BDP1: variants seen among roughly 807,000 people sequenced by gnomAD.
BDP1 encodes BDP1 general transcription factor IIIB subunit.
In BDP1, 169 loss-of-function variants were observed where a neutral mutation model predicts 266.6. The ratio of observed to expected loss-of-function variants is 0.63; its 90% confidence interval spans 0.56 to 0.72. The LOEUF is 0.72. BDP1 is among the 30% of genes least tolerant of loss of function. The pLI is 0.00. For missense variants in BDP1, 3,015 were observed against 3,053.8 expected (o/e 0.99, Z 0.30); for synonymous variants, 1,090 against 1,022.4 (o/e 1.07, Z -1.26).
intron 7 of BDP1, among the ~76,000 whole-genome samples, chr5:71,481,391 G>GAAAA (rs58798987): frequency 5.5e-4 from 35 of 63,860 alleles, no homozygotes; most frequent in African/African-American, 6.8e-4. Context: ...TCTCTACAAA[G>GAAAA]AAAAAAAAAA....
intron 17 of BDP1, 120 bp downstream of exon 17, chr5:71,511,271 T>G: frequency 1.0e-6 from 1 of 976,028 alleles, no homozygotes; most frequent in Non-Finnish European, 1.5e-6. Context: ...AAGTCTAAAG[T>G]CTTTTGTAGC....
intron 36 of BDP1, among the ~76,000 whole-genome samples, 195 bp from the exon 37 acceptor site, chr5:71,559,787 A>G (rs1043246277): frequency 6.6e-5 from 10 of 152,356 alleles, no homozygotes; most frequent in Admixed American, 1.3e-4. Flanking sequence ...TTCTGAATGC[A>G]GAAGCTGTTA....
intron 10 of BDP1, 78 bp from the exon 11 acceptor site, chr5:71,490,906 A>C (rs1763547011): frequency 2.1e-6 from 3 of 1,430,018 alleles, no homozygotes; most frequent in Non-Finnish European, 2.8e-6. Flanking sequence ...AAAGAGTGTT[A>C]TAGGTAAATT....
At chr5:71,542,030 T>C in intron 29 of BDP1, 75 bp from the exon 30 acceptor site, 3 of 1,238,390 alleles carry the variant, frequency 2.4e-6, no homozygotes, top group Admixed American at 4.6e-5. Flanking sequence ...ACTCTATCAG[T>C]GCTAGACAGA....
chr5:71,514,458 A>T (rs1000000381), intron 19 of BDP1, among the ~76,000 whole-genome samples: 1 of 152,170 alleles, frequency 6.6e-6, no homozygotes, highest in Admixed American at 6.5e-5. Context: ...GAATATATCC[A>T]CTTACACTTT....
At position 71,549,425 on chromosome 5, in the gene BDP1, C is replaced by G. The variant is rs199793888; in HGVS notation, c.6814C>G (p.Leu2272Val). 79 of 1,608,872 alleles carry G rather than the reference C, an allele frequency of 4.9e-5. 1 individual carries two copies. In the South Asian group the frequency reaches 7.9e-4, roughly 16 times the overall value. ...IINPQDLTVN[L>V]VANVPQDGED... is the part of the protein sequence containing the mutation. Reference sequence around the variant, plus strand: ...TAACTTTTAAACTTTGATAGTGAATCTAGTTGCTAATGTACCTCAAGATGG... The same window carrying G: ...TAACTTTTAAACTTTGATAGTGAATGTAGTTGCTAATGTACCTCAAGATGG... The change falls in exon 34 of 39, where the codon CTA becomes GTA. Residue 2272 changes from leucine to valine, a missense_variant. Transcript: ENST00000358731.
chr5:71,569,859 A>G (rs955842734), downstream of BDP1, among the ~76,000 whole-genome samples: 2 of 152,234 alleles, frequency 1.3e-5, no homozygotes, highest in African/African-American at 4.8e-5. Flanking sequence ...CCAACACACA[A>G]AACAAAAAAA....
chr5:71,564,629 A>G lies in BDP1; in HGVS notation c.7744-125A>G, dbSNP rs141976419. 1.1e-4 allele frequency: 86 copies of G among 814,136 alleles called. 1 individual carries two copies. Among genetic ancestry groups the G allele is most frequent in the South Asian group, 4.5e-4 (19 of 42,586 alleles). The allele number at this position is 814,136 out of a possible 1,614,324, so 50.4% of individuals were successfully genotyped here. ...TGATTGTGAACATATTTAAAGCTCA[A>G]TATTTATTGCCACGTTGCTTTTCAA... On this transcript the variant is annotated intron_variant, in intron 38 of 38. Transcript: ENST00000358731.
At chr5:71,503,686 G>A (rs943684271) in intron 15 of BDP1, among the ~76,000 whole-genome samples, 9 of 152,108 alleles carry the variant, frequency 5.9e-5, no homozygotes, top group African/African-American at 1.9e-4. Context: ...TGGTCTCTAG[G>A]CCAGGCATGG....
At chr5:71,538,950 A>G (rs1299240965) in intron 26 of BDP1, 92 bp from the exon 27 acceptor site, 7 of 822,498 alleles carry the variant, frequency 8.5e-6, no homozygotes, top group East Asian at 7.6e-5. Flanking sequence ...AGCTAAAAGT[A>G]TGGAAAGACC....
At chr5:71,556,465 T>G (rs1743222993) in intron 35 of BDP1, among the ~76,000 whole-genome samples, 1 of 152,170 alleles carries the variant, frequency 6.6e-6, no homozygotes, top group Non-Finnish European at 1.5e-5. Context: ...ATTTTATAAG[T>G]TTTTTTCAAG....
intron 25 of BDP1, among the ~76,000 whole-genome samples, chr5:71,530,280 G>A (rs1766154191): frequency 6.6e-6 from 1 of 151,782 alleles, no homozygotes; most frequent in Non-Finnish European, 1.5e-5. Context: ...CATTGCCCAG[G>A]CTGGAGTGCA....
chr5:71,507,841 A>G (rs1764666615), intron 16 of BDP1, among the ~76,000 whole-genome samples: 1 of 152,240 alleles, frequency 6.6e-6, no homozygotes, highest in African/African-American at 2.4e-5. Context: ...TTGAAAAGCA[A>G]TCTTATTCCT....
At chr5:71,551,740 T>C (rs1742779434) in intron 34 of BDP1, among the ~76,000 whole-genome samples, 1 of 149,242 alleles carries the variant, frequency 6.7e-6, no homozygotes. Context: ...GAGGTGCCCC[T>C]CACCTCCCGG....
intron 11 of BDP1, among the ~76,000 whole-genome samples, chr5:71,492,972 G>A: frequency 6.6e-6 from 1 of 152,116 alleles, no homozygotes. Context: ...TCCCCTCCCT[G>A]CAACCACTGA....
At chr5:71,487,783 A>C (rs1763357168) in intron 9 of BDP1, among the ~76,000 whole-genome samples, 1 of 152,232 alleles carries the variant, frequency 6.6e-6, no homozygotes, top group Non-Finnish European at 1.5e-5. Flanking sequence ...GCAGTTCAGC[A>C]TAAACCACAT....
chr5:71,503,514 A>T (rs1422100326), intron 15 of BDP1, among the ~76,000 whole-genome samples: 2 of 152,226 alleles, frequency 1.3e-5, no homozygotes, highest in African/African-American at 2.4e-5. Context: ...ATAAGTACAT[A>T]TGTGAGTTTT....
At chr5:71,496,562 C>G (rs1006216796) in intron 12 of BDP1, among the ~76,000 whole-genome samples, 6 of 152,076 alleles carry the variant, frequency 3.9e-5, no homozygotes, top group African/African-American at 1.4e-4. Flanking sequence ...CTTAGTCTCC[C>G]AGGTAGCTGG....
rs896147810 is a variant in BDP1 at position 71,504,517 on chromosome 5, G to T, written c.2242-104G>T. The T allele has an allele frequency of 4.4e-5, 45 of 1,029,666 alleles. 1 individual carries two copies. In the South Asian group the frequency reaches 7.9e-4, roughly 18 times the overall value. 63.8% of individuals were successfully genotyped at this position (1,029,666 alleles called of 1,614,324 possible). A position where few individuals can be genotyped will look rare whatever the true frequency, so the allele number is the denominator to read the frequency against. On this transcript the variant is annotated intron_variant, in intron 15 of 38. Transcript: ENST00000358731. Reference sequence around the variant, plus strand: ...TATTTTAAAGTCTCCATTTTATAATGTTGAATTTTTTACCATTTTATACTT... The same window carrying T: ...TATTTTAAAGTCTCCATTTTATAATTTTGAATTTTTTACCATTTTATACTT...
Sources: gnomAD v4.1 joint callset for allele counts (sites outside exome capture counted in the v4.1 genomes callset) on GRCh38, gnomAD v4.1.1 for gene constraint, MANE v1.5 for transcripts, NCBI Gene and HGNC (gene_info 2026-07-23, HGNC 2026-07-21) for gene names.